The following ST13 variants were observed in gnomAD, a reference collection of about 807,000 sequenced individuals.
ST13 encodes hsc70-interacting protein.
In ST13, 23 loss-of-function variants were observed where a neutral mutation model predicts 56.7. The ratio of observed to expected loss-of-function variants is 0.41; its 90% CI spans 0.29 to 0.57. The LOEUF is 0.57. ST13 is among the 20% of genes least tolerant of loss of function. ST13 has a pLI of 0.36. For missense variants in ST13, 369 were observed against 459.9 expected, an observed-to-expected ratio of 0.80 and a Z score of 1.81; for synonymous variants, 132 against 142.4, an observed-to-expected ratio of 0.93 and a Z score of 0.52.
chr22:40,830,031 A>G (rs1049103915), intron 9 of ST13, among the ~76,000 whole-genome samples: 2 of 152,254 alleles, frequency 1.3e-5, no homozygotes, highest in Non-Finnish European at 2.9e-5. Flanking sequence ...TTTCCTAGGT[A>G]CATCTTTTCC....
At chr22:40,831,537 A>G (rs1306256720) in intron 8 of ST13, among the ~76,000 whole-genome samples, 1 of 152,266 alleles carries the variant, frequency 6.6e-6, no homozygotes, top group Non-Finnish European at 1.5e-5. Context: ...AGAATAAAAT[A>G]CATTTAAGAG....
At chr22:40,851,172 T>C (rs916414266) in intron 1 of ST13, among the ~76,000 whole-genome samples, 1 of 152,238 alleles carries the variant, frequency 6.6e-6, no homozygotes. Context: ...GAGGCAGATA[T>C]GTCAACATGC....
At chr22:40,854,554 C>G (rs1453519394) in intron 1 of ST13, 6 of 152,190 alleles carry the variant, frequency 3.9e-5, no homozygotes, top group Admixed American at 3.9e-4. Flanking sequence ...GTGGAATTCT[C>G]TACATAGGCA....
intron 10 of ST13, among the ~76,000 whole-genome samples, chr22:40,827,690 A>C (rs1331215422): frequency 6.6e-6 from 1 of 151,720 alleles, no homozygotes; most frequent in Non-Finnish European, 1.5e-5. Flanking sequence ...TATGTTTTAT[A>C]TTTTTATATC....
intron 7 of ST13, among the ~76,000 whole-genome samples, 192 bp from the exon 8 acceptor site, chr22:40,832,863 A>C (rs1670965332): frequency 6.6e-6 from 1 of 152,270 alleles, no homozygotes; most frequent in South Asian, 2.1e-4. Flanking sequence ...AAAACATTTA[A>C]ATTTCCTCTA....
chr22:40,846,193 C>T (rs761500526), intron 3 of ST13, among the ~76,000 whole-genome samples: 6 of 152,194 alleles, frequency 3.9e-5, no homozygotes, highest in Non-Finnish European at 7.3e-5. Flanking sequence ...GCCTCAGCCT[C>T]CCAAAGTGCT....
At chr22:40,845,947 G>A (rs931426365) in intron 3 of ST13, among the ~76,000 whole-genome samples, 6 of 151,962 alleles carry the variant, frequency 3.9e-5, no homozygotes, top group Admixed American at 1.3e-4. Flanking sequence ...CAGGCATATC[G>A]TTTTTTGAGA....
rs754495287 is a variant in ST13, at chr22:40,830,887, T to C, written c.751A>G (p.Ile251Val). The change falls in exon 9 of 12, where the codon ATA (isoleucine) becomes GTA (valine). Residue 251 changes from isoleucine (I) to valine (V), a missense_variant. This residue lies in a region of ST13 where 136 missense variants were observed against 159.2 expected (regional missense o/e 0.85). Coordinates refer to ENST00000216218, the MANE Select transcript of ST13 (RefSeq NM_003932.5). ...TCTCGAGCCTTCTTAACTCGTTCTA[T>C]TCTTTCTTTGATCTCTCGCTCTTCA... ...KREEREIKER[I>V]ERVKKAREEH... is the part of the protein sequence containing the mutation. 17 of 1,607,826 alleles carry C rather than the reference T, an allele frequency of 1.1e-5. No homozygotes were observed. The highest frequency in any genetic ancestry group is 2.5e-6 in the Non-Finnish European group (3 of 1,179,682).
intron 5 of ST13, 87 bp downstream of exon 5, chr22:40,840,539 T>C: frequency 2.5e-6 from 3 of 1,179,228 alleles, no homozygotes; most frequent in Non-Finnish European, 3.8e-6. Context: ...GACAGGTACA[T>C]GTAACTTCTC....
intron 4 of ST13, among the ~76,000 whole-genome samples, chr22:40,842,180 G>C (rs2057807931): frequency 6.6e-6 from 1 of 152,154 alleles, no homozygotes. Flanking sequence ...AGACTTTCAA[G>C]GGGTCCTTGA....
chr22:40,844,404 A>G (rs1245004365), intron 4 of ST13, among the ~76,000 whole-genome samples: 1 of 152,172 alleles, frequency 6.6e-6, no homozygotes, highest in African/African-American at 2.4e-5. Flanking sequence ...GATACACTAC[A>G]TATTAATATT....
rs757189831 is a variant in ST13, at chr22:40,848,403, T to C, written c.169-34A>G. 9.2e-6 allele frequency: 12 copies of C among 1,300,210 alleles called. No individual in the cohort carries two copies. The South Asian group carries it at 1.4e-4, about 15-fold the overall frequency. 80.5% of individuals were successfully genotyped at this position (1,300,210 alleles called of 1,614,324 possible). A position where few individuals can be genotyped will look rare whatever the true frequency, so the allele number is the denominator to read the frequency against. On this transcript the variant is annotated intron_variant, in intron 2 of 11. Coordinates refer to ENST00000216218, the MANE Select transcript of ST13 (RefSeq NM_003932.5). ...GGGAAGACAAACAGTACTATCAGTA[T>C]TTAATAACATACCGAATATTTATAC...
chr22:40,840,744 A>T, intron 4 of ST13, 52 bp from the exon 5 acceptor site: 1 of 1,497,946 alleles, frequency 6.7e-7, no homozygotes, highest in Non-Finnish European at 9.2e-7. Flanking sequence ...GAGAGAAGGA[A>T]GCAATTCATA....
intron 9 of ST13, 142 bp downstream of exon 9, chr22:40,830,698 G>T: frequency 2.2e-6 from 1 of 451,030 alleles, no homozygotes. Context: ...AGTGAAAGGA[G>T]ACTCCCCATA....
In ST13 at chr22:40,827,091, C is replaced by G. The variant is rs375721469; in HGVS notation, c.981+5G>C. On this transcript the variant is annotated splice_donor_5th_base_variant and intron_variant, in intron 11 of 11. Transcript: ENST00000216218. ...AAAGTCCAAAGTTTTTCTTCCAAGT[C>G]TTACCTGCATGGCTGCAAGAACCTC... 6.2e-7 allele frequency: 1 copy of G among 1,611,062 alleles called. No individual in the cohort carries two copies. Among genetic ancestry groups the G allele is most frequent in the Admixed American group, 1.7e-5 (1 of 59,866 alleles).
Position 40,826,682 on chromosome 22 carries a change from T to A in ST13, c.982-16A>T, listed in dbSNP as rs1396325938. 1 of 1,608,548 alleles carries A rather than the reference T, an allele frequency of 6.2e-7. No individual in the cohort carries two copies. The highest frequency in any genetic ancestry group is 8.5e-7 in the Non-Finnish European group (1 of 1,179,678). ...CTTCTGGATCCTGAAAAGAAAGGGT[T>A]CATTAGTATTTAAAAAGTGTCCTAC... On this transcript the variant is annotated splice_polypyrimidine_tract_variant and intron_variant, in intron 11 of 11. Coordinates refer to ENST00000216218, the MANE Select transcript of ST13 (RefSeq NM_003932.5).
At position 40,826,415 on chromosome 22, in the gene ST13, T is replaced by C. The variant is rs142954064; in HGVS notation, c.*123A>G. On this transcript the variant is annotated 3_prime_UTR_variant, in exon 12 of 12. Transcript: ENST00000216218. Reference sequence around the variant, plus strand: ...TTGGGGGAGAGGGGTAGGGATTATCTTCAAAGCACCCCAGCTCTCTTGATG... The same window carrying C: ...TTGGGGGAGAGGGGTAGGGATTATCCTCAAAGCACCCCAGCTCTCTTGATG... 130 of 1,001,168 alleles carry C rather than the reference T, an allele frequency of 1.3e-4. 1 individual carries two copies. The African/African-American group carries it at 2.0e-3, about 16-fold the overall frequency. The allele number at this position is 1,001,168 out of a possible 1,614,324, so 62.0% of individuals were successfully genotyped here. A position where few individuals can be genotyped will look rare whatever the true frequency, so the allele number is the denominator to read the frequency against.
At chr22:40,851,358 T>G (rs2057860443) in intron 1 of ST13, among the ~76,000 whole-genome samples, 2 of 152,222 alleles carry the variant, frequency 1.3e-5, no homozygotes, top group African/African-American at 2.4e-5. Flanking sequence ...CTGAGACCTA[T>G]GAGAATTTTT....
chr22:40,848,322 G>A lies in ST13; in HGVS notation c.216C>T (p.Asp72=), dbSNP rs745881950. The A allele has an allele frequency of 1.9e-5, 31 of 1,613,224 alleles. No individual in the cohort carries two copies. Among genetic ancestry groups the A allele is most frequent in the African/African-American group, 1.5e-4 (11 of 74,848 alleles). ...SKKVEEDLKA[D]EPSSEESDLE... Reference sequence around the variant, plus strand: ...GATCACTTTCCTCACTTGATGGTTCGTCTGCCTTTAAGTCTTCCTCCACCT... The same window carrying A: ...GATCACTTTCCTCACTTGATGGTTCATCTGCCTTTAAGTCTTCCTCCACCT... Residue 72 remains aspartate, a synonymous_variant, in exon 3 of 12, where the codon GAC becomes GAT. Coordinates refer to ENST00000216218, the MANE Select transcript of ST13 (RefSeq NM_003932.5).
Sources: gnomAD v4.1 joint callset for allele counts (sites outside exome capture counted in the v4.1 genomes callset) on GRCh38, gnomAD v4.1.1 for gene constraint, gnomAD v4.1.1 regional missense constraint, MANE v1.5 for transcripts, NCBI Gene and HGNC (gene_info 2026-07-23, HGNC 2026-07-21) for gene names.